The following HDAC9 variants were observed in gnomAD, a reference collection of about 807,000 sequenced individuals.
HDAC9 encodes MEF-2 interacting transcription repressor (MITR) protein.
HDAC9 carries 41 observed loss-of-function variants against 139.4 expected under a neutral mutation model. That is an observed-to-expected ratio of 0.29 (90% CI 0.23 to 0.38). HDAC9 has a LOEUF of 0.38. Among genes scored for constraint, HDAC9 ranks in the 10% least tolerant of loss-of-function variants. The pLI, the probability that HDAC9 is intolerant of heterozygous loss-of-function variation, is 1.00. For synonymous variants in HDAC9, 517 were observed against 476.2 expected, an observed-to-expected ratio of 1.09 and a Z score of -1.12; for missense variants, 1,147 against 1,297.0, an observed-to-expected ratio of 0.88 and a Z score of 1.78.
intron 14 of HDAC9, among the ~76,000 whole-genome samples, chr7:18,756,126 A>G (rs1562917195): frequency 1.3e-5 from 2 of 152,152 alleles, no homozygotes; most frequent in Non-Finnish European, 2.9e-5. Context: ...CCCAGGCATC[A>G]GTAACTTTTA....
At chr7:18,652,387 A>AT (rs569763685) in intron 11 of HDAC9, among the ~76,000 whole-genome samples, 162 of 152,038 alleles carry the variant, frequency 1.1e-3, no homozygotes, top group African/African-American at 3.7e-3. Flanking sequence ...TTACCACAGG[A>AT]TTTTTTTTCT....
At chr7:18,557,872 A>G (rs1211648476) in intron 2 of HDAC9, among the ~76,000 whole-genome samples, 1 of 151,790 alleles carries the variant, frequency 6.6e-6, no homozygotes, top group Non-Finnish European at 1.5e-5. Context: ...ACTAACATAT[A>G]TTTTTCTTTT....
intron 1 of HDAC9, among the ~76,000 whole-genome samples, chr7:18,146,261 A>G (rs774072757): frequency 2.0e-5 from 3 of 152,216 alleles, no homozygotes; most frequent in Non-Finnish European, 2.9e-5. Flanking sequence ...TTAGTCTATT[A>G]TCTAATAGTC....
chr7:18,427,068 T>G (rs1427336549), intron 1 of HDAC9, among the ~76,000 whole-genome samples: 1 of 152,208 alleles, frequency 6.6e-6, no homozygotes. Context: ...TCTTTGATCC[T>G]TCATACAATT....
At chr7:18,908,150 G>A (rs1045449129) in intron 22 of HDAC9, among the ~76,000 whole-genome samples, 1 of 151,832 alleles carries the variant, frequency 6.6e-6, no homozygotes, top group Non-Finnish European at 1.5e-5. Flanking sequence ...TAATATTCTA[G>A]AAATAAGCAT....
intron 1 of HDAC9, among the ~76,000 whole-genome samples, chr7:18,455,076 A>AT (rs969333897): frequency 2.6e-5 from 4 of 151,924 alleles, no homozygotes; most frequent in African/African-American, 9.7e-5. Context: ...AAAACTGAAT[A>AT]TTTTTTTACT....
At chr7:18,294,764 G>A (rs1419439001) in intron 1 of HDAC9, among the ~76,000 whole-genome samples, 3 of 152,092 alleles carry the variant, frequency 2.0e-5, no homozygotes, top group Admixed American at 6.6e-5. Flanking sequence ...GAATAGATTC[G>A]TGAAGAGCAA....
At chr7:18,291,236 G>C (rs545036261) in intron 1 of HDAC9, among the ~76,000 whole-genome samples, 6 of 152,206 alleles carry the variant, frequency 3.9e-5, no homozygotes, top group African/African-American at 1.4e-4. Context: ...TGAATTATGA[G>C]TCATAGAAAG....
At chr7:18,410,856 G>T (rs531653715) in intron 1 of HDAC9, among the ~76,000 whole-genome samples, 2 of 152,234 alleles carry the variant, frequency 1.3e-5, no homozygotes, top group Non-Finnish European at 1.5e-5. Context: ...CAAGTCTTAT[G>T]ATTAATATAG....
At chr7:18,158,053 T>G (rs891968650) in intron 1 of HDAC9, among the ~76,000 whole-genome samples, 1 of 152,182 alleles carries the variant, frequency 6.6e-6, no homozygotes, top group Non-Finnish European at 1.5e-5. Flanking sequence ...CTGTACATTT[T>G]GGCTTGCCCT....
intron 1 of HDAC9, among the ~76,000 whole-genome samples, chr7:18,304,972 T>C (rs1238116536): frequency 6.6e-6 from 1 of 151,668 alleles, no homozygotes; most frequent in Admixed American, 6.6e-5. Flanking sequence ...TCCCTGATTT[T>C]ATTGGAATAG....
intron 1 of HDAC9, among the ~76,000 whole-genome samples, chr7:18,483,223 A>G (rs1762260814): frequency 6.6e-6 from 1 of 152,214 alleles, no homozygotes; most frequent in Admixed American, 6.5e-5. Context: ...GGCTTCAATG[A>G]GTATTATGTA....
At chr7:18,356,364 T>G (rs910325100) in intron 1 of HDAC9, among the ~76,000 whole-genome samples, 1 of 139,608 alleles carries the variant, frequency 7.2e-6, no homozygotes, top group African/African-American at 2.7e-5. Context: ...ATAGGTTTTT[T>G]TTTTTTTTTT....
intron 1 of HDAC9, among the ~76,000 whole-genome samples, chr7:18,138,383 A>G (rs1389743168): frequency 3.9e-5 from 6 of 152,014 alleles, no homozygotes; most frequent in African/African-American, 1.4e-4. Context: ...CATCAGAATG[A>G]GATCTAGATT....
At chr7:18,838,014 C>G (rs1796349717) in intron 21 of HDAC9, among the ~76,000 whole-genome samples, 1 of 152,014 alleles carries the variant, frequency 6.6e-6, no homozygotes, top group Non-Finnish European at 1.5e-5. Flanking sequence ...ATGTAAATTT[C>G]TGGCTTTCAA....
chr7:18,304,730 A>G (rs1798798296), intron 1 of HDAC9, among the ~76,000 whole-genome samples: 1 of 152,238 alleles, frequency 6.6e-6, no homozygotes, highest in African/African-American at 2.4e-5. Context: ...AGGTCCATAC[A>G]TCACTTTTTA....
chr7:18,978,158 A>C (rs1784670084), intron 25 of HDAC9, among the ~76,000 whole-genome samples: 1 of 152,176 alleles, frequency 6.6e-6, no homozygotes, highest in Non-Finnish European at 1.5e-5. Context: ...AAAATCAGAG[A>C]GCTAAATGGA....
intron 1 of HDAC9, among the ~76,000 whole-genome samples, chr7:18,361,805 G>T (rs1354132027): frequency 6.6e-6 from 1 of 151,202 alleles, no homozygotes; most frequent in African/African-American, 2.4e-5. Context: ...TTCGTTTATT[G>T]CAAGGAGAGA....
At chr7:18,918,690 C>T (rs1457105821) in intron 22 of HDAC9, among the ~76,000 whole-genome samples, 1 of 152,036 alleles carries the variant, frequency 6.6e-6, no homozygotes, top group Non-Finnish European at 1.5e-5. Context: ...CATAGCTCTA[C>T]AAATTGTGCC....
Sources: gnomAD v4.1 joint callset for allele counts (sites outside exome capture counted in the v4.1 genomes callset) on GRCh38, gnomAD v4.1.1 for gene constraint, MANE v1.5 for transcripts, NCBI Gene and HGNC (gene_info 2026-07-23, HGNC 2026-07-21) for gene names.